Variants in STOX2 observed in about 807,000 individuals in gnomAD.
STOX2 encodes the protein storkhead box 2, also known as storkhead-box protein 2.
In STOX2, 28 loss-of-function variants were observed where a neutral mutation model predicts 60.9. The observed-to-expected ratio is 0.46, with a 90% CI of 0.34 to 0.63. The LOEUF is 0.63. STOX2 is among the 30% of genes least tolerant of loss of function. The pLI, the probability that STOX2 is intolerant of heterozygous loss-of-function variation, is 0.01. For synonymous variants in STOX2, 472 were observed against 463.9 expected, an observed-to-expected ratio of 1.02 and a Z score of -0.22; for missense variants, 1,024 against 1,187.7, an observed-to-expected ratio of 0.86 and a Z score of 2.03.
chr4:183,904,998 A>T (rs1741547520), upstream of STOX2, among the ~76,000 whole-genome samples: 1 of 152,274 alleles, frequency 6.6e-6, no homozygotes, highest in African/African-American at 2.4e-5. Flanking sequence ...GCATTGTCAC[A>T]GATGAAAAAA....
upstream of STOX2, among the ~76,000 whole-genome samples, chr4:183,902,447 T>C (rs536352161): frequency 2.2e-4 from 33 of 152,268 alleles, no homozygotes; most frequent in African/African-American, 7.5e-4. Flanking sequence ...ATAAAATCGA[T>C]TTGCTTTATC....
intron 1 of STOX2, among the ~76,000 whole-genome samples, chr4:183,859,478 G>A (rs1435370430): frequency 6.6e-6 from 1 of 152,248 alleles, no homozygotes; most frequent in Non-Finnish European, 1.5e-5. Flanking sequence ...CATTTCAGGG[G>A]TGGCAGAGGG....
At position 183,993,927 on chromosome 4, in the gene STOX2, A is replaced by G. The variant is rs548168334; in HGVS notation, c.167-7398A>G. On this transcript the variant is annotated intron_variant, in intron 1 of 3. Coordinates refer to ENST00000308497, the MANE Select transcript of STOX2 (RefSeq NM_020225.3). ...TGGTCTTCAAGAGAGCGCATAGGAAAGAAGTATGTGGGTTTTTTTAGAACA... is the reference window on the plus strand; with the variant it reads ...TGGTCTTCAAGAGAGCGCATAGGAAGGAAGTATGTGGGTTTTTTTAGAACA... Among the ~76,000 whole-genome samples the G allele has an allele frequency of 2.6e-5, 4 of 152,342 alleles. No homozygotes were observed. The East Asian group carries it at 7.7e-4, about 29-fold the overall frequency.
Position 184,001,328 on chromosome 4 carries a change from A to G in STOX2, c.170A>G (p.Asp57Gly). The change falls in exon 2 of 4, where the codon GAT (aspartate) becomes GGT (glycine). Residue 57 changes from aspartate (D) to glycine (G), a missense_variant. Physicochemically the swap from Asp to Gly is moderately conservative, Grantham distance 94. Around this residue, in one of 3 missense-constraint regions of STOX2, gnomAD observed 98 missense variants for 110.2 expected, o/e 0.89. Transcript: ENST00000308497. The surrounding 1 kb of genome is among the most constrained non-coding windows in gnomAD (Gnocchi z 4.2). ...QASRGYMTSG[D>G]VSPISMSPIS... is the part of the protein sequence containing the mutation. ...CTTGAAAATTGTCTTTCTGCAGGTGATGTATCACCCATCAGTATGTCTCCC... is the reference window on the plus strand; with the variant it reads ...CTTGAAAATTGTCTTTCTGCAGGTGGTGTATCACCCATCAGTATGTCTCCC... The G allele has an allele frequency of 6.2e-7, 1 of 1,613,728 alleles. No homozygotes were observed. The highest frequency in any genetic ancestry group is 8.5e-7 in the Non-Finnish European group (1 of 1,179,740).
intron 1 of STOX2, among the ~76,000 whole-genome samples, chr4:183,948,167 G>A (rs554314054): frequency 7.5e-5 from 9 of 120,230 alleles, no homozygotes; most frequent in Non-Finnish European, 1.3e-4. Flanking sequence ...GCAGTGAGCC[G>A]AGATCATGAC....
At chr4:183,887,585 A>T (rs1741113344) in intron 1 of STOX2, among the ~76,000 whole-genome samples, 1 of 152,008 alleles carries the variant, frequency 6.6e-6, no homozygotes, top group South Asian at 2.1e-4. Flanking sequence ...GCTCTTATTT[A>T]CTCTTCACAC....
Position 184,001,493 on chromosome 4 carries a change from C to G in STOX2, c.319+16C>G, listed in dbSNP as rs116805967. ...TGCTTCCCAGGTAACGAGGCGGGAA[C>G]GTAGCACTTTCCAGGTGGCGGTGTG... is the stretch of plus-strand genomic sequence containing the variant. On this transcript the variant is annotated intron_variant, in intron 2 of 3. Coordinates refer to ENST00000308497, the MANE Select transcript of STOX2 (RefSeq NM_020225.3). The surrounding 1 kb of genome is among the most constrained non-coding windows in gnomAD (Gnocchi z 4.2). The G allele has an allele frequency of 1.1e-5, 18 of 1,612,524 alleles. No individual in the cohort carries two copies. The highest frequency in any genetic ancestry group is 3.3e-4 in the Middle Eastern group (2 of 5,976).
At chr4:183,969,084 C>G (rs1481695154) in intron 1 of STOX2, among the ~76,000 whole-genome samples, 1 of 152,144 alleles carries the variant, frequency 6.6e-6, no homozygotes, top group Non-Finnish European at 1.5e-5. Context: ...TTTTGCTGTT[C>G]CTGTGAGAAT....
chr4:183,850,216 G>A (rs1263597695), intron 1 of STOX2, among the ~76,000 whole-genome samples: 3 of 151,466 alleles, frequency 2.0e-5, no homozygotes, highest in African/African-American at 7.3e-5. Context: ...CAGGTGATCT[G>A]CCTGCCTCGG....
chr4:183,863,188 C>T (rs547025181), intron 1 of STOX2, among the ~76,000 whole-genome samples: 4 of 152,150 alleles, frequency 2.6e-5, no homozygotes, highest in African/African-American at 7.2e-5. Flanking sequence ...CACAGTGCCT[C>T]CCAGCCCTGG....
chr4:183,913,245 T>C (rs1381738188), intron 1 of STOX2, among the ~76,000 whole-genome samples: 5 of 152,188 alleles, frequency 3.3e-5, no homozygotes, highest in African/African-American at 9.7e-5. Flanking sequence ...AACTCTGGGA[T>C]GTAACCAGAA....
intron 1 of STOX2, among the ~76,000 whole-genome samples, chr4:183,973,712 T>C (rs1743806363): frequency 6.6e-6 from 1 of 152,204 alleles, no homozygotes; most frequent in Admixed American, 6.5e-5. Context: ...ATATGTATAA[T>C]AGGCCGGGCG....
chr4:183,991,592 T>G (rs1166759104), intron 1 of STOX2, among the ~76,000 whole-genome samples: 2 of 152,122 alleles, frequency 1.3e-5, no homozygotes, highest in African/African-American at 4.8e-5. Context: ...CACGCCTGGC[T>G]AATTTTTTGT....
At position 183,997,545 on chromosome 4, in the gene STOX2, G is replaced by C. The variant is rs1317966492; in HGVS notation, c.167-3780G>C. 2.6e-5 allele frequency among the ~76,000 whole-genome samples: 4 copies of C among 152,164 alleles called. No individual in the cohort carries two copies. In the South Asian group the frequency reaches 8.3e-4, roughly 32 times the overall value. On this transcript the variant is annotated intron_variant, in intron 1 of 3. Transcript: ENST00000308497. ...CTAAGAGGACCTTGCCTGCTCTGTG[G>C]AGAGGGGAGTGTTGGAGGCAGGAGG... is the stretch of plus-strand genomic sequence containing the variant.
In STOX2 at chr4:183,825,106, G is replaced by GAC. The variant is rs1184558273; in HGVS notation, c.364+27054_364+27055dup. On this transcript the variant is annotated intron_variant, in intron 1 of 2. Coordinates refer to the STOX2 transcript ENST00000513034. This position sits in a 1 kb window ranked among gnomAD's most constrained non-coding sequence, Gnocchi z 4.1. ...AGGACCAAGGAGGCTGCTCATCAAA[G>GAC]ACACTTGCTGAAAAGAGGCAGAGCT... Among the ~76,000 whole-genome samples, 1 of 152,214 alleles carries GAC rather than the reference G, an allele frequency of 6.6e-6. No homozygotes were observed. Among genetic ancestry groups the GAC allele is most frequent in the East Asian group, 1.9e-4 (1 of 5,194 alleles).
chr4:184,022,056 G>T lies in STOX2; in HGVS notation c.*4772G>T, dbSNP rs1372809639. The T allele has an allele frequency of 6.6e-6, 1 of 152,146 alleles. No individual in the cohort carries two copies. The highest frequency in any genetic ancestry group is 1.9e-4 in the East Asian group (1 of 5,186). The allele number at this position is 152,146 out of a possible 1,614,324, so 9.4% of individuals were successfully genotyped here. A position where few individuals can be genotyped will look rare whatever the true frequency, so the allele number is the denominator to read the frequency against. ...AACACAGGAAACATGAATGCAAAAG[G>T]CATGGAAAACACTGTTTTGCTTTGG... On this transcript the variant is annotated 3_prime_UTR_variant, in exon 4 of 4. Transcript: ENST00000308497.
chr4:183,863,355 C>T (rs187578137), intron 1 of STOX2, among the ~76,000 whole-genome samples: 92 of 152,326 alleles, frequency 6.0e-4, no homozygotes, highest in Non-Finnish European at 1.0e-3. Context: ...ACTTGGAAAA[C>T]GCCAGCTGAG....
chr4:183,852,929 CT>C (rs1275991773), intron 1 of STOX2, among the ~76,000 whole-genome samples: 19 of 152,122 alleles, frequency 1.2e-4, no homozygotes. Flanking sequence ...ATGTGAAGAA[CT>C]TCCCAGAACT....
chr4:183,939,580 G>T (rs891929277), intron 1 of STOX2, among the ~76,000 whole-genome samples: 4 of 152,040 alleles, frequency 2.6e-5, no homozygotes, highest in African/African-American at 7.2e-5. Flanking sequence ...ACCACTCAGC[G>T]ACTACAGATG....
Sources: allele counts gnomAD v4.1 joint callset (sites outside exome capture counted in the v4.1 genomes callset), GRCh38; gene constraint gnomAD v4.1.1; regional missense constraint gnomAD v4.1.1; non-coding constraint Gnocchi (gnomAD v3.1); transcripts MANE v1.5; gene names NCBI Gene and HGNC (gene_info 2026-07-23, HGNC 2026-07-21).